MAP2K5: variants seen among roughly 807,000 people sequenced by gnomAD.
MAP2K5 encodes mitogen-activated protein kinase kinase 5.
A neutral mutation model predicts 83.1 loss-of-function variants in MAP2K5; 49 were observed. The observed-to-expected ratio is 0.59, with a 90% CI of 0.47 to 0.75. The LOEUF (loss-of-function observed/expected upper bound fraction) is 0.75. Ranked by LOEUF, MAP2K5 falls within the 30% of genes least tolerant of loss-of-function variation. The pLI, the probability that MAP2K5 is intolerant of heterozygous loss-of-function variation, is 0.00. For missense variants in MAP2K5, 457 were observed against 557.5 expected, an observed-to-expected ratio of 0.82 and a Z score of 1.82; for synonymous variants, 202 against 191.8, an observed-to-expected ratio of 1.05 and a Z score of -0.44.
rs921572027 is a variant in MAP2K5, at chr15:67,781,894, G to A, written c.1242+9142G>A. On this transcript the variant is annotated intron_variant, in intron 21 of 21. Coordinates refer to ENST00000178640, the MANE Select transcript of MAP2K5 (RefSeq NM_145160.3). This position sits in a 1 kb window ranked among gnomAD's most constrained non-coding sequence, Gnocchi z 4.0. ...ATTGGTGTGGCATTGACAAAAATTTGTATAAATAGGGTACATTTTTTCCAC... is the reference window on the plus strand; with the variant it reads ...ATTGGTGTGGCATTGACAAAAATTTATATAAATAGGGTACATTTTTTCCAC... Among the ~76,000 whole-genome samples, 3 of 152,172 alleles carry A rather than the reference G, an allele frequency of 2.0e-5. No individual in the cohort carries two copies. Among genetic ancestry groups the A allele is most frequent in the Non-Finnish European group, 4.4e-5 (3 of 68,018 alleles).
chr15:67,583,941 G>T (rs1026943456), intron 4 of MAP2K5, among the ~76,000 whole-genome samples: 4 of 150,814 alleles, frequency 2.7e-5, no homozygotes, highest in African/African-American at 4.9e-5. Flanking sequence ...TAGCGACAAG[G>T]TATCACAGTG....
At position 67,806,983 on chromosome 15, in the gene MAP2K5, T is replaced by C; in HGVS notation, c.*233T>C. On this transcript the variant is annotated 3_prime_UTR_variant, in exon 22 of 22. Coordinates refer to ENST00000178640, the MANE Select transcript of MAP2K5 (RefSeq NM_145160.3). ...GAAGGCGCTGACACTGGCAGAGAGG[T>C]AAAGGGTGGGGCATTGAGAATGGAG... is the stretch of plus-strand genomic sequence containing the variant. The C allele has an allele frequency of 6.6e-7, 1 of 1,508,414 alleles. No homozygotes were observed. The highest frequency in any genetic ancestry group is 8.8e-7 in the Non-Finnish European group (1 of 1,130,794). 93.4% of individuals were successfully genotyped at this position (1,508,414 alleles called of 1,614,324 possible). A position where few individuals can be genotyped will look rare whatever the true frequency, so the allele number is the denominator to read the frequency against.
At chr15:67,669,151 T>A (rs1484170121) in intron 13 of MAP2K5, among the ~76,000 whole-genome samples, 3 of 152,188 alleles carry the variant, frequency 2.0e-5, no homozygotes, top group African/African-American at 7.2e-5. Context: ...TACTACGTTC[T>A]AGGCGCTTTC....
At chr15:67,550,195 A>G (rs2084480433) in intron 2 of MAP2K5, 113 bp downstream of exon 2, 1 of 702,662 alleles carries the variant, frequency 1.4e-6, no homozygotes, top group Non-Finnish European at 2.5e-6. Flanking sequence ...TATGACCATC[A>G]TATGGTACAT....
intron 17 of MAP2K5, among the ~76,000 whole-genome samples, chr15:67,740,248 A>G (rs1404634746): frequency 6.6e-6 from 1 of 152,202 alleles, no homozygotes; most frequent in Non-Finnish European, 1.5e-5. Context: ...TAATAAACAT[A>G]TATGAAATCG....
At chr15:67,715,050 A>G (rs772092076) in intron 16 of MAP2K5, among the ~76,000 whole-genome samples, 6 of 152,180 alleles carry the variant, frequency 3.9e-5, no homozygotes, top group Non-Finnish European at 8.8e-5. Flanking sequence ...GGAAATTTCC[A>G]TGGAAGATTT....
At chr15:67,796,234 TTTC>T (rs1157210978) in intron 21 of MAP2K5, among the ~76,000 whole-genome samples, 2 of 152,256 alleles carry the variant, frequency 1.3e-5, no homozygotes, top group African/African-American at 4.8e-5. Flanking sequence ...TGATTTCTTT[TTTC>T]TTCTTTGTCC....
rs1338872326 is a variant in MAP2K5 at position 67,736,541 on chromosome 15, G to T, written c.1074+8596G>T. 1.3e-5 allele frequency among the ~76,000 whole-genome samples: 2 copies of T among 152,152 alleles called. No homozygotes were observed. Among genetic ancestry groups the T allele is most frequent in the Non-Finnish European group, 2.9e-5 (2 of 68,024 alleles). ...AATATATGACCATGTCTCACACCAG[G>T]TAGGACTAAAATGAATTATTTTTCT... On this transcript the variant is annotated intron_variant, in intron 17 of 21. Coordinates refer to ENST00000178640, the MANE Select transcript of MAP2K5 (RefSeq NM_145160.3). The surrounding 1 kb of genome is among the most constrained non-coding windows in gnomAD (Gnocchi z 4.3).
intron 8 of MAP2K5, among the ~76,000 whole-genome samples, chr15:67,607,909 G>C (rs1275681777): frequency 2.6e-5 from 4 of 152,088 alleles, no homozygotes; most frequent in Admixed American, 2.6e-4. Context: ...CAACTTTTCA[G>C]TCAATTGAGT....
chr15:67,789,453 T>A (rs2090476578), intron 21 of MAP2K5, among the ~76,000 whole-genome samples: 1 of 152,202 alleles, frequency 6.6e-6, no homozygotes, highest in South Asian at 2.1e-4. Context: ...CGTGGCGGCT[T>A]AACGCCTGTA....
chr15:67,548,470 A>G (rs1179044618), intron 1 of MAP2K5, among the ~76,000 whole-genome samples: 1 of 152,226 alleles, frequency 6.6e-6, no homozygotes, highest in Non-Finnish European at 1.5e-5. Context: ...TTTATTTGAC[A>G]CTAATATGGC....
intron 17 of MAP2K5, among the ~76,000 whole-genome samples, chr15:67,728,970 T>C (rs938378101): frequency 6.6e-6 from 1 of 152,256 alleles, no homozygotes; most frequent in Non-Finnish European, 1.5e-5. Context: ...TTTGCTTTCA[T>C]AGTTAAAGCC....
intron 21 of MAP2K5, among the ~76,000 whole-genome samples, chr15:67,787,810 C>G (rs2090444951): frequency 6.6e-6 from 1 of 152,144 alleles, no homozygotes; most frequent in South Asian, 2.1e-4. Flanking sequence ...ACATGTTGAC[C>G]TAACTGTAGG....
intron 7 of MAP2K5, among the ~76,000 whole-genome samples, chr15:67,596,605 T>C (rs1596620425): frequency 6.6e-6 from 1 of 152,180 alleles, no homozygotes; most frequent in East Asian, 1.9e-4. Context: ...TGTATGTAAG[T>C]CCAAACTACA....
intron 8 of MAP2K5, among the ~76,000 whole-genome samples, chr15:67,604,036 C>T (rs1335524964): frequency 1.3e-5 from 2 of 152,188 alleles, no homozygotes; most frequent in Non-Finnish European, 2.9e-5. Flanking sequence ...ATATTATAAT[C>T]GTGTAATTAC....
chr15:67,791,336 C>T (rs2090514508), intron 21 of MAP2K5, among the ~76,000 whole-genome samples: 1 of 152,166 alleles, frequency 6.6e-6, no homozygotes, highest in Non-Finnish European at 1.5e-5. Flanking sequence ...CAGACTCTGA[C>T]TTTGTTATGC....
chr15:67,548,573 G>A (rs1181287830), intron 1 of MAP2K5, among the ~76,000 whole-genome samples: 1 of 152,222 alleles, frequency 6.6e-6, no homozygotes, highest in Non-Finnish European at 1.5e-5. Flanking sequence ...CATGAGGAAA[G>A]TGAGGCACAG....
chr15:67,547,927 C>T (rs1361516545), intron 1 of MAP2K5, among the ~76,000 whole-genome samples: 1 of 152,218 alleles, frequency 6.6e-6, no homozygotes, highest in East Asian at 1.9e-4. Flanking sequence ...AAACTTCTTA[C>T]CTCTTTGTCA....
intron 17 of MAP2K5, among the ~76,000 whole-genome samples, chr15:67,733,770 T>C (rs1416883141): frequency 6.6e-6 from 1 of 152,154 alleles, no homozygotes. Context: ...AAGTTAAACA[T>C]AGGTAGATAA....
Sources: allele counts gnomAD v4.1 joint callset (sites outside exome capture counted in the v4.1 genomes callset), GRCh38; gene constraint gnomAD v4.1.1; non-coding constraint Gnocchi (gnomAD v3.1); transcripts MANE v1.5; gene names NCBI Gene and HGNC (gene_info 2026-07-23, HGNC 2026-07-21).